Variants in ZNF277 observed in about 807,000 individuals in gnomAD.
The protein encoded by ZNF277 is zinc finger protein 277, also known as nuclear receptor-interacting factor 4.
A neutral mutation model predicts 60.7 loss-of-function variants in ZNF277; 55 were observed. The ratio of observed to expected loss-of-function variants is 0.91; its 90% CI spans 0.73 to 1.13. The LOEUF (loss-of-function observed/expected upper bound fraction) is 1.13, where lower values mean the gene tolerates loss of function less well. Among genes scored for constraint, ZNF277 ranks in the 50% most tolerant of loss-of-function variants. The pLI is 0.00. For missense variants in ZNF277, 510 were observed against 523.0 expected, an observed-to-expected ratio of 0.98 and a Z score of 0.24; for synonymous variants, 178 against 179.3, an observed-to-expected ratio of 0.99 and a Z score of 0.06.
chr7:112,212,039 G>C (rs1323047363), intron 1 of ZNF277, among the ~76,000 whole-genome samples: 1 of 152,198 alleles, frequency 6.6e-6, no homozygotes, highest in Admixed American at 6.5e-5. Flanking sequence ...CTTGTGAAAG[G>C]TATGCATACC....
chr7:112,290,885 G>A (rs531667838), intron 2 of ZNF277, among the ~76,000 whole-genome samples: 93 of 152,198 alleles, frequency 6.1e-4, no homozygotes, highest in Non-Finnish European at 1.3e-3. Context: ...TGGGAGGAGG[G>A]AACATGAGAG....
intron 1 of ZNF277, among the ~76,000 whole-genome samples, chr7:112,282,792 A>G (rs568557045): frequency 6.6e-6 from 1 of 152,354 alleles, no homozygotes; most frequent in African/African-American, 2.4e-5. Context: ...GCTAAAGTGT[A>G]AGCAAGACTG....
intron 1 of ZNF277, among the ~76,000 whole-genome samples, chr7:112,225,455 T>G (rs1414307557): frequency 6.6e-6 from 1 of 152,268 alleles, no homozygotes; most frequent in African/African-American, 2.4e-5. Flanking sequence ...GAAAGATCCC[T>G]GTTCTTGATT....
At chr7:112,274,982 C>A (rs146704445) in intron 1 of ZNF277, among the ~76,000 whole-genome samples, 1 of 152,122 alleles carries the variant, frequency 6.6e-6, no homozygotes, top group East Asian at 1.9e-4. Flanking sequence ...TGCCAAAAAG[C>A]CTTTTGTTTG....
Position 112,287,083 on chromosome 7 carries a change from T to A in ZNF277, c.293+9T>A. 1 of 1,613,604 alleles carries A rather than the reference T, an allele frequency of 6.2e-7. No homozygotes were observed. The highest frequency in any genetic ancestry group is 8.5e-7 in the Non-Finnish European group (1 of 1,179,526). On this transcript the variant is annotated intron_variant, in intron 2 of 11. Transcript: ENST00000361822. Reference sequence around the variant, plus strand: ...GTTGCTGATTTCCAAAGGTAAGTTCTGTTTTTGTCCTTAAAAGAATTAAAT... The same window carrying A: ...GTTGCTGATTTCCAAAGGTAAGTTCAGTTTTTGTCCTTAAAAGAATTAAAT...
At chr7:112,336,268 G>GA in intron 8 of ZNF277, 97 bp downstream of exon 8, 1 of 1,105,250 alleles carries the variant, frequency 9.0e-7, no homozygotes. Context: ...AACATAAGAA[G>GA]AAAAAAATAC....
chr7:112,246,918 A>C (rs1428350944), intron 1 of ZNF277, among the ~76,000 whole-genome samples: 2 of 152,182 alleles, frequency 1.3e-5, no homozygotes, highest in African/African-American at 4.8e-5. Context: ...TAGGCCCCAG[A>C]GAGACATTTA....
intron 4 of ZNF277, among the ~76,000 whole-genome samples, chr7:112,310,988 G>A (rs372992646): frequency 1.3e-5 from 2 of 152,014 alleles, no homozygotes; most frequent in African/African-American, 4.8e-5. Flanking sequence ...TTTTACTTTC[G>A]TCTGTTAATC....
chr7:112,276,599 C>T (rs1300554620), intron 1 of ZNF277, among the ~76,000 whole-genome samples: 2 of 152,050 alleles, frequency 1.3e-5, no homozygotes. Context: ...AGAGACTTTC[C>T]AGAATATATA....
intron 1 of ZNF277, among the ~76,000 whole-genome samples, chr7:112,216,991 A>C (rs1270538209): frequency 6.6e-6 from 1 of 152,228 alleles, no homozygotes; most frequent in Non-Finnish European, 1.5e-5. Context: ...AAACTGAAAG[A>C]GCTACTGATA....
At chr7:112,219,062 A>G (rs908528953) in intron 1 of ZNF277, among the ~76,000 whole-genome samples, 6 of 152,200 alleles carry the variant, frequency 3.9e-5, no homozygotes, top group Non-Finnish European at 5.9e-5. Flanking sequence ...CATAATGGCT[A>G]TATTACTTTA....
At chr7:112,327,449 G>C (rs773982947) in intron 5 of ZNF277, among the ~76,000 whole-genome samples, 4 of 151,782 alleles carry the variant, frequency 2.6e-5, no homozygotes, top group Admixed American at 6.5e-5. Context: ...CGATACCCCT[G>C]GTTTAAAGGA....
At chr7:112,208,275 C>A (rs1399115760) in intron 1 of ZNF277, among the ~76,000 whole-genome samples, 1 of 151,674 alleles carries the variant, frequency 6.6e-6, no homozygotes, top group East Asian at 1.9e-4. Context: ...CTCGGGAGGC[C>A]GAGGCAGGAG....
At chr7:112,258,861 C>T (rs1472453100) in intron 1 of ZNF277, among the ~76,000 whole-genome samples, 8 of 151,948 alleles carry the variant, frequency 5.3e-5, no homozygotes, top group East Asian at 3.9e-4. Context: ...TATTTACCCT[C>T]GTGCTACCAT....
intron 2 of ZNF277, among the ~76,000 whole-genome samples, chr7:112,293,579 CA>C (rs35455828): frequency 0.043 from 4,902 of 114,826 alleles, 113 homozygotes; most frequent in Admixed American, 0.11. Context: ...GATCTTATCT[CA>C]AAAAAAAAAA....
intron 1 of ZNF277, among the ~76,000 whole-genome samples, chr7:112,212,230 A>G (rs1015578072): frequency 6.6e-6 from 1 of 152,234 alleles, no homozygotes; most frequent in Admixed American, 6.5e-5. Flanking sequence ...TGAATGACCT[A>G]CCACATGGAC....
At chr7:112,336,228 G>A in intron 8 of ZNF277, 57 bp downstream of exon 8, 1 of 1,470,900 alleles carries the variant, frequency 6.8e-7, no homozygotes, top group Non-Finnish European at 9.3e-7. Context: ...AGAAGACAAT[G>A]CTTTAGTTTG....
chr7:112,306,270 A>C (rs886454762), intron 4 of ZNF277, among the ~76,000 whole-genome samples: 4 of 143,702 alleles, frequency 2.8e-5, no homozygotes, highest in African/African-American at 1.0e-4. Flanking sequence ...GCTGGAATGC[A>C]ATGGCGCAAT....
At chr7:112,239,398 CA>C (rs1285409848) in intron 1 of ZNF277, among the ~76,000 whole-genome samples, 1 of 152,108 alleles carries the variant, frequency 6.6e-6, no homozygotes, top group Non-Finnish European at 1.5e-5. Flanking sequence ...GGTAGCCAGG[CA>C]ATAGTTGCCA....
Sources: gnomAD v4.1 joint callset for allele counts (sites outside exome capture counted in the v4.1 genomes callset) on GRCh38, gnomAD v4.1.1 for gene constraint, MANE v1.5 for transcripts, NCBI Gene and HGNC (gene_info 2026-07-23, HGNC 2026-07-21) for gene names.